KCNQ3: variants seen among roughly 807,000 people sequenced by gnomAD.
KCNQ3 encodes the protein potassium voltage-gated channel subfamily Q member 3.
In KCNQ3, 30 loss-of-function variants were observed where a neutral mutation model predicts 92.5. The ratio of observed to expected loss-of-function variants is 0.32; its 90% confidence interval spans 0.24 to 0.44. KCNQ3 has a LOEUF of 0.44. KCNQ3 is among the 20% of genes least tolerant of loss of function. The pLI is 1.00. For missense variants in KCNQ3, 913 were observed against 1,140.3 expected, an observed-to-expected ratio of 0.80 and a Z score of 2.87; for synonymous variants, 450 against 468.8, an observed-to-expected ratio of 0.96 and a Z score of 0.52.
intron 8 of KCNQ3, among the ~76,000 whole-genome samples, chr8:132,167,474 A>G (rs183251194): frequency 6.6e-6 from 1 of 152,350 alleles, no homozygotes; most frequent in Non-Finnish European, 1.5e-5. Context: ...GAAAGTTGTT[A>G]TTAAAACAAG....
At chr8:132,428,324 T>C (rs1211294898) in intron 1 of KCNQ3, among the ~76,000 whole-genome samples, 1 of 152,236 alleles carries the variant, frequency 6.6e-6, no homozygotes, top group African/African-American at 2.4e-5. Context: ...TTTTCCAACA[T>C]GAAATGCCTG....
chr8:132,355,755 G>A (rs1563876207), intron 1 of KCNQ3, among the ~76,000 whole-genome samples: 2 of 152,276 alleles, frequency 1.3e-5, no homozygotes, highest in South Asian at 4.2e-4. Flanking sequence ...AGTCCCCTTT[G>A]TGCCTAGTCT....
chr8:132,212,419 C>T (rs1257082659), intron 1 of KCNQ3, among the ~76,000 whole-genome samples: 1 of 152,042 alleles, frequency 6.6e-6, no homozygotes, highest in Non-Finnish European at 1.5e-5. Context: ...AAAAGCTCTT[C>T]AAGCATTGGG....
chr8:132,446,885 G>A (rs572174492), intron 1 of KCNQ3, among the ~76,000 whole-genome samples: 82 of 152,352 alleles, frequency 5.4e-4, no homozygotes, highest in African/African-American at 1.9e-3. Context: ...GATGTAGGAG[G>A]AGACGAATTT....
chr8:132,303,079 G>C (rs1163435579), intron 1 of KCNQ3, among the ~76,000 whole-genome samples: 1 of 152,144 alleles, frequency 6.6e-6, no homozygotes, highest in Non-Finnish European at 1.5e-5. Flanking sequence ...AACAGGAAAG[G>C]GAAGGAGCCC....
intron 1 of KCNQ3, among the ~76,000 whole-genome samples, chr8:132,356,419 G>A (rs993960381): frequency 2.0e-5 from 3 of 152,168 alleles, no homozygotes; most frequent in Non-Finnish European, 2.9e-5. Context: ...ACACATTCAA[G>A]TATCTTCCTA....
intron 1 of KCNQ3, among the ~76,000 whole-genome samples, chr8:132,353,949 T>C (rs1327836362): frequency 1.3e-5 from 2 of 152,214 alleles, no homozygotes; most frequent in Non-Finnish European, 2.9e-5. Context: ...TTGTTTGTGG[T>C]CATGAGTGTG....
At chr8:132,359,298 T>A (rs551679396) in intron 1 of KCNQ3, among the ~76,000 whole-genome samples, 83 of 152,316 alleles carry the variant, frequency 5.4e-4, no homozygotes, top group African/African-American at 1.9e-3. Context: ...CTTGCTGTAG[T>A]CTACATTTTA....
At chr8:132,187,888 G>C (rs1827046081) in intron 1 of KCNQ3, among the ~76,000 whole-genome samples, 1 of 93,044 alleles carries the variant, frequency 1.1e-5, no homozygotes, top group South Asian at 3.0e-4. Flanking sequence ...GATGGTGGCG[G>C]TGGTGGTGGT....
At chr8:132,185,295 G>A (rs1322307632) in intron 2 of KCNQ3, among the ~76,000 whole-genome samples, 1 of 152,260 alleles carries the variant, frequency 6.6e-6, no homozygotes, top group Non-Finnish European at 1.5e-5. Context: ...ACTGCCCTGT[G>A]TGCAGGATGG....
intron 1 of KCNQ3, among the ~76,000 whole-genome samples, chr8:132,210,315 T>C (rs1210306819): frequency 1.3e-5 from 2 of 152,212 alleles, no homozygotes; most frequent in Non-Finnish European, 2.9e-5. Context: ...GCCATGTCTC[T>C]TGCTGGTCAC....
At chr8:132,455,036 C>T (rs1821908437) in intron 1 of KCNQ3, among the ~76,000 whole-genome samples, 1 of 152,150 alleles carries the variant, frequency 6.6e-6, no homozygotes, top group Non-Finnish European at 1.5e-5. Context: ...TAGTGAGTTA[C>T]TGTGTAGTGA....
At chr8:132,215,169 C>A (rs928161074) in intron 1 of KCNQ3, among the ~76,000 whole-genome samples, 1 of 152,232 alleles carries the variant, frequency 6.6e-6, no homozygotes, top group African/African-American at 2.4e-5. Flanking sequence ...CAATCCATAG[C>A]TGTGGGACCT....
chr8:132,274,376 T>C (rs1440024808), intron 1 of KCNQ3, among the ~76,000 whole-genome samples: 2 of 152,266 alleles, frequency 1.3e-5, no homozygotes, highest in East Asian at 3.9e-4. Flanking sequence ...CCTGTCCCCA[T>C]GATAAAATTA....
At chr8:132,299,390 G>A (rs1236040360) in intron 1 of KCNQ3, among the ~76,000 whole-genome samples, 1 of 152,116 alleles carries the variant, frequency 6.6e-6, no homozygotes, top group African/African-American at 2.4e-5. Context: ...AAAACCTAAT[G>A]TGGAGGTGTT....
In KCNQ3 at chr8:132,137,720, G is replaced by A. The variant is rs6991482; in HGVS notation, c.1700+165C>T. Among the ~76,000 whole-genome samples the A allele has an allele frequency of 0.069, 10,513 of 152,200 alleles. 590 individuals carry two copies. The highest frequency in any genetic ancestry group is 0.13 in the Admixed American group (1,927 of 15,290). ...CATACAGCTATTTCACAGTCTGTCC[G>A]ATCTGGTGCTTTGTTGGCCTAGACA... is the stretch of plus-strand genomic sequence containing the variant. On this transcript the variant is annotated intron_variant, in intron 12 of 14. Coordinates refer to ENST00000388996, the MANE Select transcript of KCNQ3 (RefSeq NM_004519.4).
intron 1 of KCNQ3, among the ~76,000 whole-genome samples, chr8:132,293,781 A>G (rs1816926343): frequency 6.6e-6 from 1 of 152,198 alleles, no homozygotes; most frequent in Non-Finnish European, 1.5e-5. Flanking sequence ...AATAGTGTCC[A>G]GAAACTGGGT....
chr8:132,239,087 G>A (rs1814907290), intron 1 of KCNQ3, among the ~76,000 whole-genome samples: 1 of 152,162 alleles, frequency 6.6e-6, no homozygotes, highest in Non-Finnish European at 1.5e-5. Context: ...GTATTACCAA[G>A]AAATTCCTGG....
intron 1 of KCNQ3, among the ~76,000 whole-genome samples, chr8:132,219,280 T>C (rs1397921529): frequency 6.6e-6 from 1 of 152,138 alleles, no homozygotes; most frequent in African/African-American, 2.4e-5. Context: ...AGGCTGTAAG[T>C]CTCAGACCAC....
Sources: gnomAD v4.1 joint callset for allele counts (sites outside exome capture counted in the v4.1 genomes callset) on GRCh38, gnomAD v4.1.1 for gene constraint, MANE v1.5 for transcripts, NCBI Gene and HGNC (gene_info 2026-07-23, HGNC 2026-07-21) for gene names.